FRAS1: variants seen among roughly 807,000 people sequenced by gnomAD.
The protein encoded by FRAS1 is extracellular matrix organizing protein FRAS1.
Under a neutral mutation model 435.2 loss-of-function variants are expected in FRAS1, and 290 were observed. The observed-to-expected ratio is 0.67, with a 90% confidence interval of 0.61 to 0.73. The LOEUF (loss-of-function observed/expected upper bound fraction) is 0.73, where lower values mean the gene tolerates loss of function less well. Among genes scored for constraint, FRAS1 ranks in the 30% least tolerant of loss-of-function variants. The pLI is 0.00. For missense variants in FRAS1, 4,860 were observed against 5,001.5 expected (o/e 0.97, Z 0.85); for synonymous variants, 1,800 against 1,851.0 (o/e 0.97, Z 0.71).
At chr4:78,349,811 C>A (rs1340671929) in intron 20 of FRAS1, among the ~76,000 whole-genome samples, 2 of 24,876 alleles carry the variant, frequency 8.0e-5, no homozygotes, top group South Asian at 8.1e-4. Context: ...TTTGTCACCA[C>A]CAGGCCTGCC....
chr4:78,441,411 T>G (rs941344013), intron 41 of FRAS1, 114 bp downstream of exon 41: 2 of 994,622 alleles, frequency 2.0e-6, no homozygotes, highest in African/African-American at 1.7e-5. Flanking sequence ...GGGAACCATT[T>G]CAAAGAAATG....
At position 78,249,058 on chromosome 4, in the gene FRAS1, TATATGC is replaced by T. The variant is rs1349340773; in HGVS notation, c.310-3329_310-3324del. On this transcript the variant is annotated intron_variant, in intron 4 of 73. Transcript: ENST00000512123. ...GTATGAAGAACTACTGATATATATA[TATATGC>T]ATATATATATATATATATATATGCA... Among the ~76,000 whole-genome samples, 488 of 62,624 alleles carry T rather than the reference TATATGC, an allele frequency of 7.8e-3. 10 individuals carry two copies. Among genetic ancestry groups the T allele is most frequent in the African/African-American group, 0.03 (474 of 15,900 alleles). The allele number at this position is 62,624 out of a possible 152,430, so 41.1% of individuals were successfully genotyped here.
At position 78,282,872 on chromosome 4, in the gene FRAS1, C is replaced by T. The variant is rs1283743559; in HGVS notation, c.1160C>T (p.Ala387Val). The T allele has an allele frequency of 6.2e-7, 1 of 1,612,848 alleles. No homozygotes were observed. Residue 387 changes from alanine (A) to valine (V), a missense_variant, in exon 12 of 74, where the codon GCT (alanine) becomes GTT (valine). By Grantham distance (64) the Ala-to-Val change is moderately conservative. Transcript: ENST00000512123. ...TGCAAGGTGTGTGAGTGCCGAGGGG[C>T]TCAGGTAACTTGCTACGAGCCCTCT... ...GPCKVCECRG[A>V]QVTCYEPSCP...
chr4:78,413,116 C>T (rs886737082), intron 32 of FRAS1, 31 bp downstream of exon 32: 1 of 1,321,750 alleles, frequency 7.6e-7, no homozygotes, highest in Non-Finnish European at 1.1e-6. Flanking sequence ...GTGGTTTCCA[C>T]TTAGAGGAGG....
chr4:78,428,833 C>T lies in FRAS1; in HGVS notation c.4712-262C>T, dbSNP rs1734098895. Among the ~76,000 whole-genome samples, 3 of 152,130 alleles carry T rather than the reference C, an allele frequency of 2.0e-5. No homozygotes were observed. The South Asian group carries it at 6.2e-4, about 32-fold the overall frequency. On this transcript the variant is annotated intron_variant, in intron 35 of 73. Coordinates refer to ENST00000512123, the MANE Select transcript of FRAS1 (RefSeq NM_025074.7). ...AGATCACCTTTGTTGTGAAAGTAGC[C>T]TCTTAGAATGATTTTGTTATTATGG...
intron 2 of FRAS1, among the ~76,000 whole-genome samples, chr4:78,091,323 C>T (rs4388115): frequency 0.72 from 108,754 of 151,864 alleles, 39,250 homozygotes; most frequent in East Asian, 0.88. Context: ...TGGCCTCCAA[C>T]GTGTCCTCTC....
intron 4 of FRAS1, among the ~76,000 whole-genome samples, chr4:78,249,831 C>T (rs1030356945): frequency 1.3e-5 from 2 of 152,036 alleles, no homozygotes; most frequent in Non-Finnish European, 2.9e-5. Flanking sequence ...TTTTTCTGGT[C>T]TCTGTCTGAA....
At chr4:78,440,694 A>C (rs142215338) in intron 40 of FRAS1, among the ~76,000 whole-genome samples, 114 of 152,346 alleles carry the variant, frequency 7.5e-4, no homozygotes, top group African/African-American at 2.7e-3. Flanking sequence ...CACACCTATA[A>C]ATATATAATA....
At chr4:78,475,785 C>T (rs1560748844) in intron 54 of FRAS1, among the ~76,000 whole-genome samples, 179 bp downstream of exon 54, 1 of 152,242 alleles carries the variant, frequency 6.6e-6, no homozygotes, top group Non-Finnish European at 1.5e-5. Context: ...GTCTCTCTAA[C>T]CTCCATTGAA....
At chr4:78,286,284 T>G in intron 13 of FRAS1, 121 bp from the exon 14 acceptor site, 1 of 1,096,400 alleles carries the variant, frequency 9.1e-7, no homozygotes, top group Non-Finnish European at 1.4e-6. Context: ...ATTATTTTTC[T>G]GCATTTTCTG....
In FRAS1 at chr4:78,284,476, A is replaced by G. The variant is rs1209012506; in HGVS notation, c.1327A>G (p.Lys443Glu). 1.1e-5 allele frequency: 17 copies of G among 1,613,740 alleles called. No homozygotes were observed. Among genetic ancestry groups the G allele is most frequent in the Non-Finnish European group, 1.4e-5 (17 of 1,179,802 alleles). Residue 443 changes from lysine (K) to glutamate (E), a missense_variant, in exon 13 of 74, where the codon AAG (lysine) becomes GAG (glutamate). Coordinates refer to ENST00000512123, the MANE Select transcript of FRAS1 (RefSeq NM_025074.7). ...DHCDLCQDPTKLLQNGWCVHS... is the reference protein window; with the variant it reads ...DHCDLCQDPTELLQNGWCVHS... ...CTGTGACCTCTGCCAAGATCCTACC[A>G]AGTTACTGCAGAATGGATGGTGTGT...
At chr4:78,508,627 C>A (rs1560418233) in intron 62 of FRAS1, 104 bp from the exon 63 acceptor site, 1 of 1,180,600 alleles carries the variant, frequency 8.5e-7, no homozygotes, top group Non-Finnish European at 1.2e-6. Flanking sequence ...TTTCAAAGAA[C>A]CTGTAGACAC....
At chr4:78,506,486 G>A (rs2109880245) in intron 61 of FRAS1, among the ~76,000 whole-genome samples, 1 of 152,342 alleles carries the variant, frequency 6.6e-6, no homozygotes. Context: ...CCAGGCTACA[G>A]CCTCGCGGGT....
intron 9 of FRAS1, 100 bp from the exon 10 acceptor site, chr4:78,278,555 G>T (rs190938307): frequency 2.8e-6 from 2 of 702,498 alleles, no homozygotes; most frequent in Admixed American, 4.5e-5. Flanking sequence ...GTGTGCCAGC[G>T]TTTCTTATTC....
intron 2 of FRAS1, among the ~76,000 whole-genome samples, chr4:78,212,891 G>A (rs145873337): frequency 2.0e-5 from 3 of 152,336 alleles, no homozygotes; most frequent in African/African-American, 2.4e-5. Context: ...GCAAAGTTGA[G>A]CAGAGAGAGA....
At chr4:78,285,879 ATTATTT>A (rs2110186426) in intron 13 of FRAS1, among the ~76,000 whole-genome samples, 1 of 152,314 alleles carries the variant, frequency 6.6e-6, no homozygotes, top group Admixed American at 6.5e-5. Context: ...AGCTGCTTTT[ATTATTT>A]TTGTAATTAT....
intron 4 of FRAS1, 43 bp downstream of exon 4, chr4:78,245,368 C>A: frequency 7.5e-7 from 1 of 1,325,688 alleles, no homozygotes; most frequent in Non-Finnish European, 1.1e-6. Context: ...GTCTGCAGAT[C>A]TCTGACAAGG....
chr4:78,196,434 T>C (rs1014365096), intron 2 of FRAS1, among the ~76,000 whole-genome samples: 2 of 152,230 alleles, frequency 1.3e-5, no homozygotes, highest in African/African-American at 4.8e-5. Flanking sequence ...ATGAATTTTT[T>C]CTGGACCCAT....
intron 2 of FRAS1, among the ~76,000 whole-genome samples, chr4:78,148,931 T>C (rs1014886741): frequency 1.3e-5 from 2 of 152,196 alleles, no homozygotes; most frequent in African/African-American, 4.8e-5. Flanking sequence ...AATTTCCTGA[T>C]TGGCAGCAGA....
Sources: allele counts gnomAD v4.1 joint callset (sites outside exome capture counted in the v4.1 genomes callset), GRCh38; gene constraint gnomAD v4.1.1; transcripts MANE v1.5; gene names NCBI Gene and HGNC (gene_info 2026-07-23, HGNC 2026-07-21).